Variants in SH3RF3 observed in about 807,000 individuals in gnomAD.
SH3RF3 encodes the protein SH3 domain containing ring finger 3.
Under a neutral mutation model 66.3 loss-of-function variants are expected in SH3RF3, and 29 were observed. That is an observed-to-expected ratio of 0.44 (90% CI 0.33 to 0.60). The LOEUF (loss-of-function observed/expected upper bound fraction) is 0.60. Among genes scored for constraint, SH3RF3 ranks in the 20% least tolerant of loss-of-function variants. The pLI is 0.04. For missense variants in SH3RF3, 1,194 were observed against 1,190.9 expected (o/e 1.00, Z -0.04); for synonymous variants, 583 against 532.0 (o/e 1.10, Z -1.32).
At chr2:109,293,333 T>C (rs1295571939) in intron 1 of SH3RF3, among the ~76,000 whole-genome samples, 1 of 152,210 alleles carries the variant, frequency 6.6e-6, no homozygotes, top group Non-Finnish European at 1.5e-5. Context: ...GACACAGAAG[T>C]GTCCATTTGT....
At chr2:109,209,823 A>G (rs555625159) in intron 1 of SH3RF3, among the ~76,000 whole-genome samples, 2 of 152,284 alleles carry the variant, frequency 1.3e-5, no homozygotes, top group African/African-American at 4.8e-5. Flanking sequence ...TCCAAGATTT[A>G]TTATTGTGAC....
chr2:109,266,906 G>A (rs1574539564), intron 1 of SH3RF3, among the ~76,000 whole-genome samples: 3 of 152,364 alleles, frequency 2.0e-5, no homozygotes, highest in Admixed American at 2.0e-4. Context: ...GCTGATGTAT[G>A]TCCCTGAGCA....
At chr2:109,303,408 A>C (rs1194456647) in intron 1 of SH3RF3, among the ~76,000 whole-genome samples, 1 of 152,256 alleles carries the variant, frequency 6.6e-6, no homozygotes, top group Non-Finnish European at 1.5e-5. Context: ...CTTCGCTCAC[A>C]CTATATTTTT....
At position 109,503,294 on chromosome 2, in the gene SH3RF3, GGATGTAACCAATTCCAGAAATA is replaced by G; in HGVS notation, c.*1624_*1645del. 6.6e-6 allele frequency: 1 copy of G among 152,240 alleles called. No individual in the cohort carries two copies. The highest frequency in any genetic ancestry group is 1.9e-4 in the East Asian group (1 of 5,184). The allele number at this position is 152,240 out of a possible 1,614,324, so 9.4% of individuals were successfully genotyped here. ...AACATAGGGTGTCATTGGTTTTCAG[GGATGTAACCAATTCCAGAAATA>G]CATTCTTTTGCCTGGCATGAAGACT... On this transcript the variant is annotated 3_prime_UTR_variant, in exon 10 of 10. Transcript: ENST00000309415.
chr2:109,299,248 TCTCA>T (rs998144228), intron 1 of SH3RF3, among the ~76,000 whole-genome samples: 105 of 152,376 alleles, frequency 6.9e-4, no homozygotes, highest in Non-Finnish European at 9.1e-4. Flanking sequence ...CCAAAGGACC[TCTCA>T]CTCTTTAGCT....
chr2:109,398,602 G>A lies in SH3RF3; in HGVS notation c.958G>A (p.Ala320Thr). The A allele has an allele frequency of 1.3e-6, 2 of 1,570,108 alleles. No homozygotes were observed. Among genetic ancestry groups the A allele is most frequent in the Non-Finnish European group, 8.6e-7 (1 of 1,159,544 alleles). The change falls in exon 4 of 10, where the codon GCC becomes ACC. Residue 320 changes from alanine to threonine, a missense_variant. Ala to Thr is a moderately conservative substitution (Grantham distance 58). Transcript: ENST00000309415. ...CTTTCTCACTCAGCTCAATGACTCC[G>A]CCAAGCAGCTCATTGAGATGGACAA... ...PLLYVELNDS[A>T]KQLIEMDKPC...
chr2:109,206,656 T>A (rs185488771), intron 1 of SH3RF3, among the ~76,000 whole-genome samples: 4,051 of 151,108 alleles, frequency 0.027, 106 homozygotes, highest in Non-Finnish European at 0.036. Flanking sequence ...AAAAAAAAAA[T>A]TTTTTTTAAA....
At chr2:109,273,438 G>GCA (rs1680673412) in intron 1 of SH3RF3, among the ~76,000 whole-genome samples, 2 of 152,256 alleles carry the variant, frequency 1.3e-5, no homozygotes, top group African/African-American at 4.8e-5. Context: ...CCCCCAGGAG[G>GCA]TGTGCGGGGC....
chr2:109,226,634 T>G (rs1679380038), intron 1 of SH3RF3, among the ~76,000 whole-genome samples: 1 of 152,224 alleles, frequency 6.6e-6, no homozygotes, highest in South Asian at 2.1e-4. Flanking sequence ...TGAGTGTTTC[T>G]TGGTCTGCCA....
chr2:109,337,253 T>C (rs1477944893), intron 1 of SH3RF3, among the ~76,000 whole-genome samples: 1 of 152,096 alleles, frequency 6.6e-6, no homozygotes, highest in Admixed American at 6.5e-5. Context: ...AGGTAAGAGC[T>C]TGGGCTCCCT....
At chr2:109,346,926 G>T (rs940473046) in intron 1 of SH3RF3, among the ~76,000 whole-genome samples, 1 of 151,076 alleles carries the variant, frequency 6.6e-6, no homozygotes, top group Non-Finnish European at 1.5e-5. Flanking sequence ...GTGTCATGGT[G>T]GGGGGGTCTG....
intron 1 of SH3RF3, among the ~76,000 whole-genome samples, chr2:109,311,916 C>T (rs1279951382): frequency 1.3e-5 from 2 of 152,094 alleles, no homozygotes; most frequent in East Asian, 3.9e-4. Flanking sequence ...CATGCCCTGC[C>T]AGTGGATGAG....
chr2:109,163,452 G>C lies in SH3RF3; in HGVS notation c.573+33339G>C, dbSNP rs528117372. Among the ~76,000 whole-genome samples the C allele has an allele frequency of 3.7e-3, 471 of 128,232 alleles. 19 individuals are homozygous for C. In the East Asian group the frequency reaches 0.091, roughly 25 times the overall value. 84.1% of individuals were successfully genotyped at this position (128,232 alleles called of 152,430 possible). ...CTCGCTCTGTCGCCCAGGCTGGAGTGCAGTGGCGGGATCTCGGCTCACTGC... is the reference window on the plus strand; with the variant it reads ...CTCGCTCTGTCGCCCAGGCTGGAGTCCAGTGGCGGGATCTCGGCTCACTGC... On this transcript the variant is annotated intron_variant, in intron 1 of 9. Coordinates refer to ENST00000309415, the MANE Select transcript of SH3RF3 (RefSeq NM_001099289.3).
intron 4 of SH3RF3, among the ~76,000 whole-genome samples, chr2:109,406,809 G>A (rs554165265): frequency 2.0e-5 from 3 of 152,152 alleles, no homozygotes; most frequent in East Asian, 1.9e-4. Context: ...CCAGTGCAGA[G>A]GCTACATGGA....
At chr2:109,375,306 A>T (rs113444086) in intron 3 of SH3RF3, among the ~76,000 whole-genome samples, 3,898 of 152,270 alleles carry the variant, frequency 0.026, 116 homozygotes, top group African/African-American at 0.063. Context: ...TGCAAAAGGA[A>T]GTGAGAAACT....
intron 1 of SH3RF3, among the ~76,000 whole-genome samples, chr2:109,332,457 T>G (rs1236187376): frequency 6.6e-6 from 1 of 152,178 alleles, no homozygotes; most frequent in Non-Finnish European, 1.5e-5. Flanking sequence ...TGGGGCTGAG[T>G]GCAGCAGAAG....
chr2:109,152,758 G>T (rs534277740), intron 1 of SH3RF3, among the ~76,000 whole-genome samples: 4 of 152,288 alleles, frequency 2.6e-5, no homozygotes, highest in East Asian at 3.9e-4. Context: ...GGGCGGGGGG[G>T]ACCCAGTGTC....
intron 1 of SH3RF3, among the ~76,000 whole-genome samples, chr2:109,228,797 G>C (rs1040693348): frequency 6.6e-6 from 1 of 152,120 alleles, no homozygotes; most frequent in Non-Finnish European, 1.5e-5. Context: ...TCTCCAGGTG[G>C]GTGGATGCAT....
intron 1 of SH3RF3, among the ~76,000 whole-genome samples, chr2:109,239,016 C>A (rs1418104043): frequency 1.3e-5 from 2 of 152,282 alleles, no homozygotes; most frequent in East Asian, 3.9e-4. Flanking sequence ...GTAGACAGAA[C>A]AATGTTAAAT....
Sources: allele counts gnomAD v4.1 joint callset (sites outside exome capture counted in the v4.1 genomes callset), GRCh38; gene constraint gnomAD v4.1.1; transcripts MANE v1.5; gene names NCBI Gene and HGNC (gene_info 2026-07-23, HGNC 2026-07-21).